KCNIP4: variants seen among roughly 807,000 people sequenced by gnomAD.
KCNIP4 encodes the protein potassium voltage-gated channel interacting protein 4.
In KCNIP4, 12 loss-of-function variants were observed where a neutral mutation model predicts 34.0. The observed-to-expected ratio is 0.35, with a 90% CI of 0.23 to 0.57. The LOEUF is 0.57. KCNIP4 is among the 20% of genes least tolerant of loss of function. The pLI, the probability that KCNIP4 is intolerant of heterozygous loss-of-function variation, is 0.83. For synonymous variants in KCNIP4, 124 were observed against 102.2 expected (o/e 1.21, Z -1.29); for missense variants, 238 against 311.7 (o/e 0.76, Z 1.78).
intron 1 of KCNIP4, among the ~76,000 whole-genome samples, chr4:21,855,513 T>C (rs1238206501): frequency 6.6e-6 from 1 of 152,238 alleles, no homozygotes; most frequent in Non-Finnish European, 1.5e-5. Context: ...GTGTCTGCAC[T>C]TGCAGAAGGC....
chr4:20,835,352 AG>A (rs1718910302), intron 3 of KCNIP4, among the ~76,000 whole-genome samples: 1 of 151,106 alleles, frequency 6.6e-6, no homozygotes, highest in Non-Finnish European at 1.5e-5. Flanking sequence ...GTATGCACTT[AG>A]GTGCTAGGGT....
intron 1 of KCNIP4, among the ~76,000 whole-genome samples, chr4:20,929,743 C>T (rs534798896): frequency 5.3e-4 from 81 of 151,836 alleles, no homozygotes; most frequent in Middle Eastern, 3.4e-3. Flanking sequence ...CTAATAACAA[C>T]ATATCTGAAA....
intron 1 of KCNIP4, among the ~76,000 whole-genome samples, chr4:21,541,131 A>T (rs1340258406): frequency 6.7e-6 from 1 of 148,520 alleles, no homozygotes; most frequent in Non-Finnish European, 1.5e-5. Context: ...AGACTGTGCC[A>T]TTGCACTCCA....
intron 1 of KCNIP4, among the ~76,000 whole-genome samples, chr4:21,678,844 T>C (rs753316544): frequency 1.3e-5 from 2 of 152,188 alleles, no homozygotes; most frequent in Non-Finnish European, 2.9e-5. Context: ...GTTGAAGTCC[T>C]AACTCCCAGT....
intron 5 of KCNIP4, among the ~76,000 whole-genome samples, chr4:20,747,428 G>T (rs1752616798): frequency 6.6e-6 from 1 of 152,104 alleles, no homozygotes; most frequent in Non-Finnish European, 1.5e-5. Flanking sequence ...TTTCTAAAGT[G>T]AAGCAAACAC....
chr4:21,694,517 TA>T (rs1203476247), intron 1 of KCNIP4, among the ~76,000 whole-genome samples: 1 of 152,152 alleles, frequency 6.6e-6, no homozygotes, highest in East Asian at 1.9e-4. Context: ...TCTGCCATGA[TA>T]AAAAATATGT....
At position 21,130,085 on chromosome 4, in the gene KCNIP4, T is replaced by C. The variant is rs115458796; in HGVS notation, c.62-247376A>G. Among the ~76,000 whole-genome samples the C allele has an allele frequency of 7.3e-3, 1,110 of 152,152 alleles. 18 individuals carry two copies. Among genetic ancestry groups the C allele is most frequent in the African/African-American group, 0.026 (1,060 of 41,518 alleles). ...AGCCTTGAATGACCTTGGCCTTCCA[T>C]TCCCTGATTTTTTACTGTTCCTTTT... On this transcript the variant is annotated intron_variant, in intron 1 of 8. Transcript: ENST00000382152.
intron 1 of KCNIP4, among the ~76,000 whole-genome samples, chr4:21,826,311 G>T (rs114473180): frequency 2.0e-5 from 3 of 152,112 alleles, no homozygotes; most frequent in African/African-American, 7.2e-5. Context: ...GTTAACTGAA[G>T]CAATACAACA....
At chr4:21,158,942 T>A (rs998487269) in intron 1 of KCNIP4, among the ~76,000 whole-genome samples, 14 of 152,130 alleles carry the variant, frequency 9.2e-5, no homozygotes, top group Admixed American at 8.5e-4. Flanking sequence ...AATATCAATA[T>A]AAAAATAACT....
rs970996231 is a variant in KCNIP4, at chr4:20,910,224, G to T, written c.62-27515C>A. ...AGAGTAGTAAATCTAGCACTCAAAAGACTTATTTTTTTTTTAAAGAGGGAA... is the reference window on the plus strand; with the variant it reads ...AGAGTAGTAAATCTAGCACTCAAAATACTTATTTTTTTTTTAAAGAGGGAA... On this transcript the variant is annotated intron_variant, in intron 1 of 8. Coordinates refer to ENST00000382152, the MANE Select transcript of KCNIP4 (RefSeq NM_025221.6). Among the ~76,000 whole-genome samples the T allele has an allele frequency of 3.3e-5, 5 of 151,938 alleles. No homozygotes were observed. In the South Asian group the frequency reaches 8.3e-4, roughly 25 times the overall value.
At chr4:21,646,492 T>C (rs1747032841) in intron 1 of KCNIP4, among the ~76,000 whole-genome samples, 1 of 152,254 alleles carries the variant, frequency 6.6e-6, no homozygotes, top group South Asian at 2.1e-4. Context: ...AATTGCTATA[T>C]TGAATCGCTA....
intron 1 of KCNIP4, among the ~76,000 whole-genome samples, chr4:21,417,839 A>T (rs778112021): frequency 6.6e-6 from 1 of 152,166 alleles, no homozygotes; most frequent in Non-Finnish European, 1.5e-5. Context: ...GGTAGGAGTC[A>T]CTGTGCCAGG....
At chr4:21,118,284 C>G (rs1313192357) in intron 1 of KCNIP4, among the ~76,000 whole-genome samples, 1 of 152,144 alleles carries the variant, frequency 6.6e-6, no homozygotes, top group South Asian at 2.1e-4. Context: ...AAACTGCAAA[C>G]TCTGCAGCAA....
chr4:21,299,593 T>A (rs1764043283), intron 1 of KCNIP4, among the ~76,000 whole-genome samples: 1 of 152,214 alleles, frequency 6.6e-6, no homozygotes, highest in Non-Finnish European at 1.5e-5. Flanking sequence ...ACATAAGCGT[T>A]GGCATGCCAT....
At chr4:20,829,914 T>C (rs1470345592) in intron 3 of KCNIP4, among the ~76,000 whole-genome samples, 1 of 152,100 alleles carries the variant, frequency 6.6e-6, no homozygotes, top group Admixed American at 6.6e-5. Flanking sequence ...CTCTGAACTC[T>C]AGATTTATAT....
At chr4:21,086,087 G>A (rs1051646939) in intron 1 of KCNIP4, among the ~76,000 whole-genome samples, 3 of 152,126 alleles carry the variant, frequency 2.0e-5, no homozygotes, top group Admixed American at 6.5e-5. Flanking sequence ...ATATAGTGGA[G>A]CAAAAAAGCT....
At chr4:20,977,028 T>C (rs996511421) in intron 1 of KCNIP4, among the ~76,000 whole-genome samples, 1 of 152,028 alleles carries the variant, frequency 6.6e-6, no homozygotes, top group South Asian at 2.1e-4. Context: ...AGATGAAGTT[T>C]CTCCATGTTG....
rs1267828490 is a variant in KCNIP4 at position 21,519,502 on chromosome 4, GTA to G, written c.61+429067_61+429068del. Reference sequence around the variant, plus strand: ...TGTATATACACATATGTGTGTATGTGTATGTGTATATACACATATGTGTGTAT... The same window carrying G: ...TGTATATACACATATGTGTGTATGTGTGTGTATATACACATATGTGTGTAT... On this transcript the variant is annotated intron_variant, in intron 1 of 8. Coordinates refer to ENST00000382152, the MANE Select transcript of KCNIP4 (RefSeq NM_025221.6). 3.6e-5 allele frequency among the ~76,000 whole-genome samples: 4 copies of G among 110,258 alleles called. 1 individual carries two copies. Among genetic ancestry groups the G allele is most frequent in the Admixed American group, 8.5e-5 (1 of 11,834 alleles). The allele number at this position is 110,258 out of a possible 152,430, so 72.3% of individuals were successfully genotyped here.
chr4:21,813,776 G>C (rs1348020087), intron 1 of KCNIP4, among the ~76,000 whole-genome samples: 1 of 152,120 alleles, frequency 6.6e-6, no homozygotes, highest in African/African-American at 2.4e-5. Context: ...ATAGGAGATA[G>C]GAAGTCTCCC....
Sources: allele counts gnomAD v4.1 joint callset (sites outside exome capture counted in the v4.1 genomes callset), GRCh38; gene constraint gnomAD v4.1.1; transcripts MANE v1.5; gene names NCBI Gene and HGNC (gene_info 2026-07-23, HGNC 2026-07-21).